The following SORCS2 variants were observed in gnomAD, a reference collection of about 807,000 sequenced individuals.
SORCS2 encodes the protein VPS10 domain-containing receptor SorCS2.
Under a neutral mutation model 141.6 loss-of-function variants are expected in SORCS2, and 100 were observed. The observed-to-expected ratio is 0.71, with a 90% CI of 0.60 to 0.83. The LOEUF is 0.83. Among genes scored for constraint, SORCS2 ranks in the 40% least tolerant of loss-of-function variants. The pLI, the probability that SORCS2 is intolerant of heterozygous loss-of-function variation, is 0.00. For missense variants in SORCS2, 1,646 were observed against 1,560.2 expected (o/e 1.05, Z -0.93); for synonymous variants, 789 against 676.9 (o/e 1.17, Z -2.57).
intron 2 of SORCS2, among the ~76,000 whole-genome samples, chr4:7,422,572 C>T (rs1186229453): frequency 3.9e-5 from 6 of 152,140 alleles, no homozygotes; most frequent in African/African-American, 1.4e-4. Flanking sequence ...CCCCTTGGTG[C>T]TCCTGCCCTA....
chr4:7,380,975 G>A (rs559235807), intron 1 of SORCS2, among the ~76,000 whole-genome samples: 51 of 151,732 alleles, frequency 3.4e-4, no homozygotes, highest in South Asian at 3.3e-3. Flanking sequence ...CCAGCTACTC[G>A]GGAGGCTGAG....
intron 1 of SORCS2, among the ~76,000 whole-genome samples, chr4:7,309,343 C>A (rs1020705912): frequency 6.6e-6 from 1 of 152,192 alleles, no homozygotes; most frequent in Non-Finnish European, 1.5e-5. Context: ...GGACCCAGAG[C>A]TCTTTTTATG....
chr4:7,685,269 A>G (rs929000298), intron 10 of SORCS2, among the ~76,000 whole-genome samples: 1 of 152,164 alleles, frequency 6.6e-6, no homozygotes, highest in African/African-American at 2.4e-5. Flanking sequence ...ATGAAATGGG[A>G]GCAAACTGGT....
intron 2 of SORCS2, among the ~76,000 whole-genome samples, chr4:7,507,686 G>C (rs1448435896): frequency 6.6e-6 from 1 of 152,070 alleles, no homozygotes; most frequent in Non-Finnish European, 1.5e-5. Flanking sequence ...AAGGAATCAC[G>C]GGAAAGGTGG....
At chr4:7,205,870 C>T (rs1350581937) in intron 1 of SORCS2, among the ~76,000 whole-genome samples, 1 of 152,082 alleles carries the variant, frequency 6.6e-6, no homozygotes, top group Non-Finnish European at 1.5e-5. Flanking sequence ...ATGGTGAAAC[C>T]CCGTCTCTAC....
intron 1 of SORCS2, among the ~76,000 whole-genome samples, chr4:7,251,139 A>T (rs1483748708): frequency 2.0e-5 from 3 of 152,356 alleles, no homozygotes; most frequent in South Asian, 4.1e-4. Flanking sequence ...TCAAAGTAGC[A>T]TGAGAAGAAA....
chr4:7,662,483 G>C (rs539691804), intron 6 of SORCS2, among the ~76,000 whole-genome samples: 1 of 152,274 alleles, frequency 6.6e-6, no homozygotes, highest in East Asian at 1.9e-4. Flanking sequence ...TCCAGGGCCT[G>C]CAACTCCTTG....
intron 1 of SORCS2, among the ~76,000 whole-genome samples, chr4:7,291,793 A>G (rs1319767246): frequency 1.3e-5 from 2 of 152,134 alleles, no homozygotes; most frequent in African/African-American, 4.8e-5. Context: ...ATTCATCTTT[A>G]TGGACACGGA....
In SORCS2 at chr4:7,630,409, C is replaced by T. The variant is rs553724136; in HGVS notation, c.649-7919C>T. Among the ~76,000 whole-genome samples the T allele has an allele frequency of 1.6e-4, 24 of 152,340 alleles. 2 individuals are homozygous for T. In the South Asian group the frequency reaches 2.7e-3, roughly 17 times the overall value. On this transcript the variant is annotated intron_variant, in intron 3 of 26. Transcript: ENST00000507866. ...GAAGACCCCTCATATTTCTACAACA[C>T]TTGCAAATGTTTTGCCTCATTGGGA...
intron 1 of SORCS2, among the ~76,000 whole-genome samples, chr4:7,249,799 G>C (rs150420733): frequency 1.8e-3 from 267 of 152,246 alleles, no homozygotes; most frequent in Middle Eastern, 6.8e-3. Flanking sequence ...TAGACGACAA[G>C]AAAAAAGATG....
Position 7,663,056 on chromosome 4 carries a change from G to C in SORCS2, c.953-1297G>C, listed in dbSNP as rs905110141. 8.5e-5 allele frequency among the ~76,000 whole-genome samples: 13 copies of C among 152,106 alleles called. No homozygotes were observed. The highest frequency in any genetic ancestry group is 1.3e-4 in the Non-Finnish European group (9 of 68,000). The stretch of plus-strand genomic sequence containing the variant: ...TAGGTGTGTGAGTGAAGGAATGATT[G>C]AGTGAAAGAGTGGGTGAATGAGTGA... On this transcript the variant is annotated intron_variant, in intron 6 of 26. Coordinates refer to ENST00000507866, the MANE Select transcript of SORCS2 (RefSeq NM_020777.3). This position sits in a 1 kb window ranked among gnomAD's most constrained non-coding sequence, Gnocchi z 4.8.
chr4:7,455,459 G>A (rs180705905), intron 2 of SORCS2, among the ~76,000 whole-genome samples: 32 of 146,424 alleles, frequency 2.2e-4, no homozygotes, highest in Non-Finnish European at 1.8e-4. Flanking sequence ...GCTGTGTGTT[G>A]GGGTCAGGTG....
intron 26 of SORCS2, among the ~76,000 whole-genome samples, chr4:7,739,746 C>A (rs1021935651): frequency 2.6e-5 from 4 of 152,154 alleles, no homozygotes; most frequent in African/African-American, 9.7e-5. Context: ...TCCTAACCAG[C>A]CCCCACCCGG....
In SORCS2 at chr4:7,653,490, G is replaced by A. The variant is rs555126625; in HGVS notation, c.814-644G>A. Among the ~76,000 whole-genome samples, 8 of 152,278 alleles carry A rather than the reference G, an allele frequency of 5.3e-5. No individual in the cohort carries two copies. The South Asian group carries it at 6.2e-4, about 12-fold the overall frequency. On this transcript the variant is annotated intron_variant, in intron 4 of 26. Transcript: ENST00000507866. ...ACTCCCAACCTCATGTGATCCGCCC[G>A]CCTCGACCTCCCAAGGTGCTGGGAT...
intron 17 of SORCS2, 29 bp downstream of exon 17, chr4:7,715,340 C>G: frequency 6.2e-7 from 1 of 1,610,736 alleles, no homozygotes; most frequent in Non-Finnish European, 8.5e-7. Context: ...CTCTCCCTGC[C>G]TAAATCCGGG....
At chr4:7,549,667 C>G (rs541645688) in intron 3 of SORCS2, among the ~76,000 whole-genome samples, 2 of 152,364 alleles carry the variant, frequency 1.3e-5, no homozygotes, top group African/African-American at 4.8e-5. Context: ...CTGGTGCAAG[C>G]ACATAGTTGG....
At position 7,491,351 on chromosome 4, in the gene SORCS2, C is replaced by T. The variant is rs141581279; in HGVS notation, c.549-40179C>T. Among the ~76,000 whole-genome samples the T allele has an allele frequency of 1.4e-3, 218 of 152,318 alleles. 1 individual carries two copies. The highest frequency in any genetic ancestry group is 4.9e-3 in the African/African-American group (205 of 41,570). ...GCTGCACTGGGCTGGGGCACCCCAC[C>T]CCTACTCCTGCAGCAGCTCTATGCC... is the stretch of plus-strand genomic sequence containing the variant. On this transcript the variant is annotated intron_variant, in intron 2 of 26. Transcript: ENST00000507866.
At chr4:7,528,041 CTGTCTCTCTCTG>C (rs1477659907) in intron 2 of SORCS2, among the ~76,000 whole-genome samples, 19 of 149,324 alleles carry the variant, frequency 1.3e-4, no homozygotes, top group Admixed American at 8.6e-4. Flanking sequence ...GTCTCTCTCT[CTGTCTCTCTCTG>C]TCTCTCTCTC....
rs1481246792 is a variant in SORCS2 at position 7,402,786 on chromosome 4, T to C, written c.548+6431T>C. Among the ~76,000 whole-genome samples, 4 of 152,292 alleles carry C rather than the reference T, an allele frequency of 2.6e-5. No individual in the cohort carries two copies. In the East Asian group the frequency reaches 5.8e-4, roughly 22 times the overall value. On this transcript the variant is annotated intron_variant, in intron 2 of 26. Coordinates refer to ENST00000507866, the MANE Select transcript of SORCS2 (RefSeq NM_020777.3). ...GTGTGAGATTACAGCTTAATCTTGT[T>C]ATTTTGCATCTCCCTCATACCTGGT...
Sources: allele counts gnomAD v4.1 joint callset (sites outside exome capture counted in the v4.1 genomes callset), GRCh38; gene constraint gnomAD v4.1.1; non-coding constraint Gnocchi (gnomAD v3.1); transcripts MANE v1.5; gene names NCBI Gene and HGNC (gene_info 2026-07-23, HGNC 2026-07-21).